The following PSD3 variants were observed in gnomAD, a reference collection of about 807,000 sequenced individuals.
PSD3 encodes pleckstrin and Sec7 domain containing 3.
A neutral mutation model predicts 105.5 loss-of-function variants in PSD3; 49 were observed. That is an observed-to-expected ratio of 0.46 (90% CI 0.37 to 0.59). The LOEUF (loss-of-function observed/expected upper bound fraction) is 0.59, where lower values mean the gene tolerates loss of function less well. PSD3 is among the 20% of genes least tolerant of loss of function. PSD3 has a pLI of 0.00. For synonymous variants in PSD3, 557 were observed against 457.8 expected (o/e 1.22, Z -2.77); for missense variants, 1,561 against 1,263.8 (o/e 1.24, Z -3.57).
At chr8:18,657,633 G>T (rs1808998830) in intron 9 of PSD3, among the ~76,000 whole-genome samples, 1 of 151,604 alleles carries the variant, frequency 6.6e-6, no homozygotes, top group Non-Finnish European at 1.5e-5. Flanking sequence ...GTATCAGGAG[G>T]CTGAACACCT....
rs551753561 is a variant in PSD3, at chr8:18,938,351, G to A, written c.22-2209C>T. Reference sequence around the variant, plus strand: ...GAATGAGGGAAAGGGGCCAGGCACAGTGGCTCATGCCTTTAATCTTAGCAC... The same window carrying A: ...GAATGAGGGAAAGGGGCCAGGCACAATGGCTCATGCCTTTAATCTTAGCAC... On this transcript the variant is annotated intron_variant, in intron 1 of 15. Coordinates refer to ENST00000327040, the MANE Select transcript of PSD3 (RefSeq NM_015310.4). Among the ~76,000 whole-genome samples, 4 of 151,850 alleles carry A rather than the reference G, an allele frequency of 2.6e-5. No homozygotes were observed. In the East Asian group the frequency reaches 7.8e-4, roughly 30 times the overall value.
At chr8:18,596,746 G>C (rs187843497) in intron 12 of PSD3, among the ~76,000 whole-genome samples, 84 of 152,068 alleles carry the variant, frequency 5.5e-4, no homozygotes, top group African/African-American at 2.0e-3. Context: ...TAAATTACTA[G>C]AAACCTACAA....
intron 9 of PSD3, among the ~76,000 whole-genome samples, chr8:18,695,253 A>G (rs889730552): frequency 6.9e-6 from 1 of 144,408 alleles, no homozygotes; most frequent in Non-Finnish European, 1.5e-5. Flanking sequence ...TCTAAATGAA[A>G]TCTTAATCTC....
intron 13 of PSD3, among the ~76,000 whole-genome samples, chr8:18,574,912 C>G (rs9644607): frequency 0.27 from 41,781 of 151,946 alleles, 6,872 homozygotes; most frequent in East Asian, 0.45. Context: ...GACTAAAAGT[C>G]AAAGGGCTAC....
At chr8:18,609,990 G>A (rs911270749) in intron 11 of PSD3, among the ~76,000 whole-genome samples, 1 of 152,142 alleles carries the variant, frequency 6.6e-6, no homozygotes, top group East Asian at 1.9e-4. Context: ...ATTATCCCTG[G>A]TTTATAGCAG....
chr8:18,699,246 C>A (rs1489679033), intron 9 of PSD3, among the ~76,000 whole-genome samples: 1 of 152,128 alleles, frequency 6.6e-6, no homozygotes, highest in Non-Finnish European at 1.5e-5. Flanking sequence ...CAGAAAAATT[C>A]ATAAGTCCCC....
chr8:18,692,722 C>A (rs1285799014), intron 9 of PSD3, among the ~76,000 whole-genome samples: 3 of 152,128 alleles, frequency 2.0e-5, no homozygotes, highest in Non-Finnish European at 4.4e-5. Flanking sequence ...TGGCTAGCTG[C>A]AAGAATTGTC....
chr8:18,827,939 A>AG (rs1220099095), intron 4 of PSD3, among the ~76,000 whole-genome samples: 7 of 149,716 alleles, frequency 4.7e-5, no homozygotes, highest in Non-Finnish European at 1.0e-4. Context: ...AAAAAAAAAA[A>AG]AAGAAGCAAA....
chr8:19,066,805 T>C (rs147488765), intron 1 of PSD3, among the ~76,000 whole-genome samples: 56 of 152,332 alleles, frequency 3.7e-4, no homozygotes, highest in African/African-American at 1.3e-3. Flanking sequence ...GCTCAATAAA[T>C]GTTAGCTTAT....
intron 2 of PSD3, among the ~76,000 whole-genome samples, chr8:18,914,139 G>T (rs1379595819): frequency 6.8e-6 from 1 of 147,848 alleles, no homozygotes; most frequent in African/African-American, 2.5e-5. Flanking sequence ...GGGATTATAA[G>T]ATCATCTCCA....
intron 4 of PSD3, among the ~76,000 whole-genome samples, chr8:18,807,269 G>C (rs1178694362): frequency 1.3e-5 from 2 of 152,164 alleles, no homozygotes; most frequent in Non-Finnish European, 2.9e-5. Flanking sequence ...AGGGCTCCTG[G>C]ACAACCAGCT....
At chr8:18,850,326 T>C (rs1815460326) in intron 4 of PSD3, among the ~76,000 whole-genome samples, 1 of 152,218 alleles carries the variant, frequency 6.6e-6, no homozygotes, top group African/African-American at 2.4e-5. Context: ...ATGACATCCT[T>C]TCTCCCTGGC....
At chr8:18,671,641 T>A (rs1369011309) in intron 9 of PSD3, among the ~76,000 whole-genome samples, 1 of 150,864 alleles carries the variant, frequency 6.6e-6, no homozygotes, top group African/African-American at 2.4e-5. Context: ...TGTTTTTTGT[T>A]TTTTTTTTTG....
chr8:18,757,509 T>TTTA (rs1404859673), intron 9 of PSD3, among the ~76,000 whole-genome samples: 2 of 152,084 alleles, frequency 1.3e-5, no homozygotes, highest in African/African-American at 4.8e-5. Context: ...AAAATTCAGA[T>TTTA]TCTACTCTTT....
chr8:18,639,166 G>C (rs1585466298), intron 10 of PSD3, among the ~76,000 whole-genome samples: 1 of 152,150 alleles, frequency 6.6e-6, no homozygotes, highest in Non-Finnish European at 1.5e-5. Context: ...TAAGTAATTG[G>C]GCTGCTTCCT....
chr8:18,885,859 T>C (rs952744366), intron 2 of PSD3, among the ~76,000 whole-genome samples: 4 of 152,228 alleles, frequency 2.6e-5, no homozygotes, highest in African/African-American at 9.6e-5. Flanking sequence ...CACATCCTTG[T>C]GTGTAAACTG....
chr8:18,874,834 C>T (rs1165786254), intron 2 of PSD3, among the ~76,000 whole-genome samples: 2 of 152,018 alleles, frequency 1.3e-5, no homozygotes, highest in Middle Eastern at 3.4e-3. Context: ...CACACGGTAT[C>T]CCCCAGTGTG....
At chr8:18,793,171 G>A (rs1476178927) in intron 8 of PSD3, among the ~76,000 whole-genome samples, 1 of 152,034 alleles carries the variant, frequency 6.6e-6, no homozygotes, top group African/African-American at 2.4e-5. Context: ...ACCCCCTGTC[G>A]TGGGGTGGGG....
intron 4 of PSD3, among the ~76,000 whole-genome samples, chr8:18,862,950 T>C (rs1264601420): frequency 6.6e-6 from 1 of 150,692 alleles, no homozygotes; most frequent in African/African-American, 2.4e-5. Flanking sequence ...GAAGACAGAC[T>C]GAAGCGCTTC....
Sources: allele counts gnomAD v4.1 joint callset (sites outside exome capture counted in the v4.1 genomes callset), GRCh38; gene constraint gnomAD v4.1.1; transcripts MANE v1.5; gene names NCBI Gene and HGNC (gene_info 2026-07-23, HGNC 2026-07-21).